The following MDGA1 variants were observed in gnomAD, a reference collection of about 807,000 sequenced individuals.
MDGA1 encodes MAM domain-containing glycosylphosphatidylinositol anchor protein 1.
A neutral mutation model predicts 101.5 loss-of-function variants in MDGA1; 54 were observed. That is an observed-to-expected ratio of 0.53 (90% CI 0.43 to 0.67). The LOEUF is 0.67. MDGA1 is among the 30% of genes least tolerant of loss of function. The pLI is 0.00. For synonymous variants in MDGA1, 533 were observed against 558.3 expected (o/e 0.95, Z 0.64); for missense variants, 1,083 against 1,323.8 (o/e 0.82, Z 2.82).
intron 13 of MDGA1, among the ~76,000 whole-genome samples, chr6:37,644,151 C>T (rs912866872): frequency 1.7e-5 from 2 of 120,502 alleles, no homozygotes; most frequent in African/African-American, 5.6e-5. Flanking sequence ...GCCTCACCCC[C>T]ACGCATCCTG....
intron 9 of MDGA1, chr6:37,648,617 G>A (rs968329183): frequency 3.1e-6 from 1 of 322,430 alleles, no homozygotes; most frequent in Non-Finnish European, 5.7e-6. Flanking sequence ...ATGTTTGAAA[G>A]CGGCGCGGTT....
rs1761190056 is a variant in MDGA1 at position 37,646,203 on chromosome 6, G to A, written c.2219C>T (p.Thr740Ile). 6.3e-7 allele frequency: 1 copy of A among 1,581,462 alleles called. No homozygotes were observed. The highest frequency in any genetic ancestry group is 1.3e-5 in the African/African-American group (1 of 74,470). ...CCGCCACCACTGTCACCTACGCTCTGTGTAGTGGATGATGCGGGAGGCCAT... is the reference window on the plus strand; with the variant it reads ...CCGCCACCACTGTCACCTACGCTCTATGTAGTGGATGATGCGGGAGGCCAT... ...GDMASRIIHYTEPINSPNLSD... is the reference protein window; with the variant it reads ...GDMASRIIHYIEPINSPNLSD... The change falls in exon 11 of 17, where the codon ACA (threonine) becomes ATA (isoleucine). Residue 740 changes from threonine (T) to isoleucine (I), a missense_variant. Coordinates refer to ENST00000434837, the MANE Select transcript of MDGA1 (RefSeq NM_153487.4).
chr6:37,696,866 G>C lies in MDGA1; in HGVS notation c.-55C>G. 6.7e-7 allele frequency: 1 copy of C among 1,486,346 alleles called. No individual in the cohort carries two copies. The highest frequency in any genetic ancestry group is 1.2e-5 in the South Asian group (1 of 82,736). The allele number at this position is 1,486,346 out of a possible 1,614,324, so 92.1% of individuals were successfully genotyped here. A position where few individuals can be genotyped will look rare whatever the true frequency, so the allele number is the denominator to read the frequency against. On this transcript the variant is annotated 5_prime_UTR_variant, in exon 1 of 17. Coordinates refer to ENST00000434837, the MANE Select transcript of MDGA1 (RefSeq NM_153487.4). This position sits in a 1 kb window ranked among gnomAD's most constrained non-coding sequence, Gnocchi z 5.6. ...GCGGCGCAGCCCGAGAGGCGGCGGG[G>C]GGCGCATTCGCCGGGGCCCCGCGAC...
In MDGA1 at chr6:37,658,434, G is replaced by A. The variant is rs558111904; in HGVS notation, c.208-15C>T. 3.8e-6 allele frequency: 6 copies of A among 1,596,326 alleles called. No individual in the cohort carries two copies. The highest frequency in any genetic ancestry group is 1.7e-5 in the Admixed American group (1 of 59,146). Reference sequence around the variant, plus strand: ...GTCCACCGTACCTGGGCCGCCAGGCGGGGCAGAGTCAGACTGTCAGACTCA... The same window carrying A: ...GTCCACCGTACCTGGGCCGCCAGGCAGGGCAGAGTCAGACTGTCAGACTCA... On this transcript the variant is annotated splice_polypyrimidine_tract_variant and intron_variant, in intron 2 of 16. Transcript: ENST00000434837.
In MDGA1 at chr6:37,638,398, T is replaced by C; in HGVS notation, c.2668-85A>G. ...TGCTCCCTCGACCCCACCTTTCCCC[T>C]TAATCTACCTGGAAGTTCCCCCTAA... On this transcript the variant is annotated intron_variant, in intron 15 of 16. Transcript: ENST00000434837. This position sits in a 1 kb window ranked among gnomAD's most constrained non-coding sequence, Gnocchi z 4.8. The C allele has an allele frequency of 6.6e-7, 1 of 1,508,358 alleles. No homozygotes were observed. The highest frequency in any genetic ancestry group is 1.2e-5 in the South Asian group (1 of 82,016). 93.4% of individuals were successfully genotyped at this position (1,508,358 alleles called of 1,614,324 possible). A position where few individuals can be genotyped will look rare whatever the true frequency, so the allele number is the denominator to read the frequency against.
chr6:37,691,336 G>A (rs1762303882), intron 1 of MDGA1, among the ~76,000 whole-genome samples: 1 of 152,184 alleles, frequency 6.6e-6, no homozygotes, highest in Admixed American at 6.5e-5. Context: ...GTTCAATGGA[G>A]ACAATAGTAC....
chr6:37,638,955 C>T lies in MDGA1; in HGVS notation c.2537-288G>A, dbSNP rs1764000762. ...TAATCTCCCCAACCCCAAACACACA[C>T]ATGCACACACACCCTACCCTTCCCC... On this transcript the variant is annotated intron_variant, in intron 14 of 16. Coordinates refer to ENST00000434837, the MANE Select transcript of MDGA1 (RefSeq NM_153487.4). The surrounding 1 kb of genome is among the most constrained non-coding windows in gnomAD (Gnocchi z 4.8). 1 of 364,336 alleles carries T rather than the reference C, an allele frequency of 2.7e-6. No homozygotes were observed. The highest frequency in any genetic ancestry group is 2.6e-5 in the South Asian group (1 of 38,520). The allele number at this position is 364,336 out of a possible 1,614,324, so 22.6% of individuals were successfully genotyped here. A position where few individuals can be genotyped will look rare whatever the true frequency, so the allele number is the denominator to read the frequency against.
rs766994715 is a variant in MDGA1 at position 37,652,160 on chromosome 6, C to T, written c.1163G>A (p.Arg388His). Reference sequence around the variant, plus strand: ...GACTGCGGGCAGCTCAGGATCATTGCGGGTCACCAGCAGCCGCTTGGACAT... The same window carrying T: ...GACTGCGGGCAGCTCAGGATCATTGTGGGTCACCAGCAGCCGCTTGGACAT... ...ARMSKRLLVT[R>H]NDPELPAVTS... The change falls in exon 7 of 17, where the codon CGC becomes CAC. Residue 388 changes from arginine to histidine, a missense_variant. Coordinates refer to ENST00000434837, the MANE Select transcript of MDGA1 (RefSeq NM_153487.4). This position sits in a 1 kb window ranked among gnomAD's most constrained non-coding sequence, Gnocchi z 4.3. 1.5e-5 allele frequency: 24 copies of T among 1,613,912 alleles called. 1 individual carries two copies. Among genetic ancestry groups the T allele is most frequent in the Middle Eastern group, 1.6e-4 (1 of 6,062 alleles).
At position 37,636,450 on chromosome 6, in the gene MDGA1, T is replaced by C. The variant is rs1763931287; in HGVS notation, c.*918A>G. 1 of 152,224 alleles carries C rather than the reference T, an allele frequency of 6.6e-6. No individual in the cohort carries two copies. The highest frequency in any genetic ancestry group is 1.5e-5 in the Non-Finnish European group (1 of 68,034). 9.4% of individuals were successfully genotyped at this position (152,224 alleles called of 1,614,324 possible). A position where few individuals can be genotyped will look rare whatever the true frequency, so the allele number is the denominator to read the frequency against. ...CATTGTCTGATATGGGGGCACCAAA[T>C]CACAGAAGCGGGACGTCTCTTCTGC... On this transcript the variant is annotated 3_prime_UTR_variant, in exon 17 of 17. Transcript: ENST00000434837.
intron 1 of MDGA1, among the ~76,000 whole-genome samples, chr6:37,689,804 A>G (rs1762272213): frequency 6.6e-6 from 1 of 152,022 alleles, no homozygotes; most frequent in Non-Finnish European, 1.5e-5. Context: ...TTTCCGATAC[A>G]CTTTTAGTGC....
intron 13 of MDGA1, 24 bp downstream of exon 13, chr6:37,644,473 T>C: frequency 6.6e-7 from 1 of 1,519,274 alleles, no homozygotes. Context: ...ATCCTCCATT[T>C]CTGGCAGCAG....
At chr6:37,692,235 G>A (rs935463418) in intron 1 of MDGA1, among the ~76,000 whole-genome samples, 1 of 152,060 alleles carries the variant, frequency 6.6e-6, no homozygotes, top group Admixed American at 6.5e-5. Flanking sequence ...CACAGGGCAG[G>A]GCCCGTAGGC....
chr6:37,655,347 G>C lies in MDGA1; in HGVS notation c.579+353C>G, dbSNP rs910194174. ...GGGACTATCAGGGCCCATGGGAAGAGGAGTCATCTCCTCGCCCCCAGATCC... is the reference window on the plus strand; with the variant it reads ...GGGACTATCAGGGCCCATGGGAAGACGAGTCATCTCCTCGCCCCCAGATCC... On this transcript the variant is annotated intron_variant, in intron 4 of 16. Transcript: ENST00000434837. This position sits in a 1 kb window ranked among gnomAD's most constrained non-coding sequence, Gnocchi z 5.1. 3 of 335,922 alleles carry C rather than the reference G, an allele frequency of 8.9e-6. No homozygotes were observed. The highest frequency in any genetic ancestry group is 1.1e-5 in the Non-Finnish European group (2 of 183,960). The allele number at this position is 335,922 out of a possible 1,614,324, so 20.8% of individuals were successfully genotyped here. A position where few individuals can be genotyped will look rare whatever the true frequency, so the allele number is the denominator to read the frequency against.
At chr6:37,645,255 C>T (rs1007766700) in intron 12 of MDGA1, among the ~76,000 whole-genome samples, 2 of 152,168 alleles carry the variant, frequency 1.3e-5, no homozygotes, top group African/African-American at 2.4e-5. Context: ...ATAATTGAGG[C>T]CGGCATGGTG....
At chr6:37,651,913 C>CTGGCTTCCCTTTCCCAAGCCGT (rs1761372747) in intron 7 of MDGA1, 98 bp downstream of exon 7, 15 of 1,032,926 alleles carry the variant, frequency 1.5e-5, no homozygotes, top group Admixed American at 1.1e-4. Context: ...CCTCCTCACT[C>CTGGCTTCCCTTTCCCAAGCCGT]TGGCTTCCCT....
In MDGA1 at chr6:37,637,054, G is replaced by A. The variant is rs901325493; in HGVS notation, c.*314C>T. On this transcript the variant is annotated 3_prime_UTR_variant, in exon 17 of 17. Transcript: ENST00000434837. ...CGCCGAGGTCCCTGGGTTGGCGGAT[G>A]CCATTCAGGCAAGTCCCCTGTCTTT... 1 of 257,922 alleles carries A rather than the reference G, an allele frequency of 3.9e-6. No individual in the cohort carries two copies. Among genetic ancestry groups the A allele is most frequent in the South Asian group, 1.0e-4 (1 of 9,714 alleles). 16.0% of individuals were successfully genotyped at this position (257,922 alleles called of 1,614,324 possible). A position where few individuals can be genotyped will look rare whatever the true frequency, so the allele number is the denominator to read the frequency against.
intron 1 of MDGA1, among the ~76,000 whole-genome samples, chr6:37,680,973 C>T (rs1055330919): frequency 6.7e-6 from 1 of 148,772 alleles, no homozygotes; most frequent in Non-Finnish European, 1.5e-5. Flanking sequence ...CTGTCCCCTA[C>T]TGGGGCCCAC....
chr6:37,633,104 C>G lies in MDGA1; in HGVS notation c.*4264G>C, dbSNP rs1561835238. ...GGACCTCGCCTGTACAATGGGGGCA[C>G]CAGCTTAGATGCTCCCTAAGGTCCC... is the stretch of plus-strand genomic sequence containing the variant. On this transcript the variant is annotated 3_prime_UTR_variant, in exon 17 of 17. Coordinates refer to ENST00000434837, the MANE Select transcript of MDGA1 (RefSeq NM_153487.4). 1 of 152,100 alleles carries G rather than the reference C, an allele frequency of 6.6e-6. No homozygotes were observed. The highest frequency in any genetic ancestry group is 1.5e-5 in the Non-Finnish European group (1 of 68,044). 9.4% of individuals were successfully genotyped at this position (152,100 alleles called of 1,614,324 possible). A position where few individuals can be genotyped will look rare whatever the true frequency, so the allele number is the denominator to read the frequency against.
chr6:37,663,756 C>T (rs979191037), intron 2 of MDGA1, among the ~76,000 whole-genome samples: 6 of 152,192 alleles, frequency 3.9e-5, no homozygotes, highest in Admixed American at 6.5e-5. Context: ...TCCCCTCAGC[C>T]GTCCATGTTT....
Sources: gnomAD v4.1 joint callset for allele counts (sites outside exome capture counted in the v4.1 genomes callset) on GRCh38, gnomAD v4.1.1 for gene constraint, Gnocchi (gnomAD v3.1) non-coding constraint, MANE v1.5 for transcripts, NCBI Gene and HGNC (gene_info 2026-07-23, HGNC 2026-07-21) for gene names.